Variants in ACSM6 observed in about 807,000 individuals in gnomAD.
The protein encoded by ACSM6 is acyl-coenzyme A synthetase ACSM6, mitochondrial.
ACSM6 carries 35 observed loss-of-function variants against 51.1 expected under a neutral mutation model. The ratio of observed to expected loss-of-function variants is 0.69; its 90% confidence interval spans 0.52 to 0.91. The LOEUF (loss-of-function observed/expected upper bound fraction) is 0.91. Among genes scored for constraint, ACSM6 ranks in the 40% least tolerant of loss-of-function variants. The pLI is 0.00. For missense variants in ACSM6, 509 were observed against 584.1 expected (o/e 0.87, Z 1.32); for synonymous variants, 172 against 207.3 (o/e 0.83, Z 1.46).
At chr10:95,201,647 T>C (rs1259324351) in intron 2 of ACSM6, 1 of 482,376 alleles carries the variant, frequency 2.1e-6, no homozygotes, top group African/African-American at 2.0e-5. Context: ...TTTTATATAA[T>C]GATTTCTTTT....
At chr10:95,223,725 C>CA (rs562713114) in intron 9 of ACSM6, among the ~76,000 whole-genome samples, 142 of 152,210 alleles carry the variant, frequency 9.3e-4, no homozygotes, top group African/African-American at 3.4e-3. Context: ...ACATCAGACT[C>CA]AACAGTAAAA....
At chr10:95,198,815 G>C (rs1438304553) in intron 2 of ACSM6, among the ~76,000 whole-genome samples, 1 of 152,104 alleles carries the variant, frequency 6.6e-6, no homozygotes, top group Non-Finnish European at 1.5e-5. Context: ...AGGGGTTGGG[G>C]AAGGCCCATC....
chr10:95,219,913 A>G (rs552821370), exon 9 of ACSM6: 1 of 1,613,818 alleles, frequency 6.2e-7, no homozygotes, highest in African/African-American at 1.3e-5. Flanking sequence ...GCCACTTCCA[A>G]AACAATAAAA....
At chr10:95,197,137 C>G (rs1052848631) in intron 2 of ACSM6, among the ~76,000 whole-genome samples, 2 of 152,170 alleles carry the variant, frequency 1.3e-5, no homozygotes, top group African/African-American at 4.8e-5. Flanking sequence ...TACATAAACT[C>G]TTGGTATTTT....
At chr10:95,226,499 G>A (rs1475172323) in intron 10 of ACSM6, 1 of 152,242 alleles carries the variant, frequency 6.6e-6, no homozygotes, top group Non-Finnish European at 1.5e-5. Flanking sequence ...ACTGAGAGCA[G>A]GACGTCAAGA....
Position 95,228,445 on chromosome 10 carries a change from A to G in ACSM6, c.1303-199A>G, listed in dbSNP as rs948106048. 4.0e-4 allele frequency: 206 copies of G among 521,218 alleles called. 1 individual carries two copies. Among genetic ancestry groups the G allele is most frequent in the Admixed American group, 1.3e-3 (34 of 27,076 alleles). The allele number at this position is 521,218 out of a possible 1,614,324, so 32.3% of individuals were successfully genotyped here. A position where few individuals can be genotyped will look rare whatever the true frequency, so the allele number is the denominator to read the frequency against. On this transcript the variant is annotated intron_variant, in intron 10 of 10. Coordinates refer to ENST00000341686, the Ensembl canonical transcript of ACSM6. ...CTTGTTTCTAGCTGGGACAAAAAAAAAAAAGCTGAAGTTAAGAGAAATGAC... is the reference window on the plus strand; with the variant it reads ...CTTGTTTCTAGCTGGGACAAAAAAAGAAAAGCTGAAGTTAAGAGAAATGAC...
chr10:95,209,007 A>G (rs1203004572), intron 4 of ACSM6, among the ~76,000 whole-genome samples: 4 of 146,998 alleles, frequency 2.7e-5, no homozygotes, highest in Non-Finnish European at 6.0e-5. Flanking sequence ...ATTTTATATT[A>G]TAGACAACAA....
chr10:95,211,897 C>A (rs2034896655), exon 6 of ACSM6: 1 of 1,608,334 alleles, frequency 6.2e-7, no homozygotes, highest in Non-Finnish European at 8.5e-7. Context: ...GGATCTCCAG[C>A]CAACAGATGT....
rs1193157237 is a variant in ACSM6, at chr10:95,215,922, A to AGTTT, written c.1119+960_1119+963dup. On this transcript the variant is annotated intron_variant, in intron 8 of 10. Coordinates refer to ENST00000341686, the Ensembl canonical transcript of ACSM6. ...CTTTCCAAGCTCTTTAGTGTCTTTC[A>AGTTT]GTTTGTTTGTTTGTTTTTAAAGAGA... Among the ~76,000 whole-genome samples the AGTTT allele has an allele frequency of 3.9e-5, 6 of 152,000 alleles. 1 individual carries two copies. In the East Asian group the frequency reaches 7.7e-4, roughly 20 times the overall value.
chr10:95,196,513 G>T (rs1463373380), intron 2 of ACSM6, among the ~76,000 whole-genome samples: 1 of 152,136 alleles, frequency 6.6e-6, no homozygotes, highest in South Asian at 2.1e-4. Context: ...TGGTAAACAT[G>T]AAAAAATTTT....
exon 2 of ACSM6, chr10:95,194,644 G>A: frequency 6.4e-7 from 1 of 1,552,180 alleles, no homozygotes; most frequent in Non-Finnish European, 8.7e-7. Flanking sequence ...ATTTTGCAAA[G>A]GATGTGTTGG....
intron 10 of ACSM6, among the ~76,000 whole-genome samples, chr10:95,226,859 G>A (rs1447532124): frequency 6.6e-6 from 1 of 152,034 alleles, no homozygotes; most frequent in Non-Finnish European, 1.5e-5. Flanking sequence ...CATTTGATGT[G>A]TATATATCCT....
chr10:95,196,292 G>T (rs1459270592), intron 2 of ACSM6, among the ~76,000 whole-genome samples: 1 of 152,186 alleles, frequency 6.6e-6, no homozygotes, highest in Admixed American at 6.5e-5. Context: ...AGCAGTGATT[G>T]GGTGCCAAGG....
At chr10:95,197,594 C>T (rs1284497283) in intron 2 of ACSM6, among the ~76,000 whole-genome samples, 1 of 152,228 alleles carries the variant, frequency 6.6e-6, no homozygotes, top group Non-Finnish European at 1.5e-5. Context: ...TTGCTGCAAA[C>T]ATGTCTCACC....
exon 5 of ACSM6, chr10:95,210,751 A>G: frequency 6.2e-7 from 1 of 1,614,030 alleles, no homozygotes; most frequent in Non-Finnish European, 8.5e-7. Context: ...ATGGTCGAGT[A>G]TTCCCAGTAT....
intron 2 of ACSM6, 113 bp from the exon 3 acceptor site, chr10:95,201,872 C>A: frequency 4.8e-6 from 4 of 833,120 alleles, no homozygotes; most frequent in Non-Finnish European, 7.8e-6. Flanking sequence ...TAAGCCCAGG[C>A]ATCCTAGCCT....
intron 8 of ACSM6, among the ~76,000 whole-genome samples, chr10:95,218,678 G>T (rs2034966910): frequency 1.3e-5 from 2 of 152,196 alleles, no homozygotes; most frequent in Non-Finnish European, 2.9e-5. Context: ...TCTGTCATAT[G>T]CTTTTCCCTT....
chr10:95,225,402 TTTC>T lies in ACSM6; in HGVS notation c.1302+17_1302+19del. 6.7e-7 allele frequency: 1 copy of T among 1,494,226 alleles called. No homozygotes were observed. The highest frequency in any genetic ancestry group is 9.0e-7 in the Non-Finnish European group (1 of 1,105,744). The allele number at this position is 1,494,226 out of a possible 1,614,324, so 92.6% of individuals were successfully genotyped here. A position where few individuals can be genotyped will look rare whatever the true frequency, so the allele number is the denominator to read the frequency against. On this transcript the variant is annotated intron_variant, in intron 10 of 10. Transcript: ENST00000341686. ...TACTGTCCACACATGGTAAGAAAAT[TTTC>T]TTCTTTCCTAAATACTTTCATTGTT...
intron 3 of ACSM6, among the ~76,000 whole-genome samples, chr10:95,203,205 C>T (rs541861737): frequency 5.3e-5 from 8 of 152,066 alleles, no homozygotes; most frequent in South Asian, 4.1e-4. Context: ...GGGTTGTGCA[C>T]CCCACATGAG....
Sources: gnomAD v4.1 joint callset for allele counts (sites outside exome capture counted in the v4.1 genomes callset) on GRCh38, gnomAD v4.1.1 for gene constraint, MANE v1.5 for transcripts, NCBI Gene and HGNC (gene_info 2026-07-23, HGNC 2026-07-21) for gene names.